Variants in LHFPL3 observed in about 807,000 individuals in gnomAD.
The protein encoded by LHFPL3 is LHFPL tetraspan subfamily member 3 protein.
LHFPL3 carries 5 observed loss-of-function variants against 19.3 expected under a neutral mutation model. The ratio of observed to expected loss-of-function variants is 0.26; its 90% confidence interval spans 0.14 to 0.54. LHFPL3 has a LOEUF of 0.54. LHFPL3 is among the 20% of genes least tolerant of loss of function. The pLI is 0.94. For missense variants in LHFPL3, 249 were observed against 307.4 expected (o/e 0.81, Z 1.42); for synonymous variants, 133 against 126.2 (o/e 1.05, Z -0.36).
chr7:104,595,215 T>C (rs1006940583), intron 1 of LHFPL3, among the ~76,000 whole-genome samples: 7 of 152,216 alleles, frequency 4.6e-5, no homozygotes, highest in Non-Finnish European at 1.0e-4. Context: ...GACGTACAGA[T>C]GGGGTTTTGG....
intron 1 of LHFPL3, among the ~76,000 whole-genome samples, chr7:104,334,174 G>T (rs1033568547): frequency 2.0e-5 from 3 of 152,144 alleles, no homozygotes; most frequent in African/African-American, 7.2e-5. Context: ...GTAGGTATTC[G>T]ATAATTTTTC....
At chr7:104,407,602 G>A (rs1382009849) in intron 1 of LHFPL3, among the ~76,000 whole-genome samples, 4 of 152,210 alleles carry the variant, frequency 2.6e-5, no homozygotes, top group African/African-American at 9.6e-5. Flanking sequence ...GTTGCAGTGA[G>A]CTGAGATTGC....
chr7:104,591,583 A>T (rs1159237950), intron 1 of LHFPL3, among the ~76,000 whole-genome samples: 1 of 152,046 alleles, frequency 6.6e-6, no homozygotes, highest in African/African-American at 2.4e-5. Flanking sequence ...GAATCTGACA[A>T]TTATGTGTCT....
intron 1 of LHFPL3, among the ~76,000 whole-genome samples, chr7:104,618,848 C>G (rs561420083): frequency 2.0e-5 from 3 of 152,242 alleles, no homozygotes; most frequent in Admixed American, 6.5e-5. Context: ...GTGCTGGGAC[C>G]AGGATCCATG....
At chr7:104,790,725 A>G (rs975315112) in intron 2 of LHFPL3, among the ~76,000 whole-genome samples, 6 of 152,332 alleles carry the variant, frequency 3.9e-5, no homozygotes, top group African/African-American at 1.4e-4. Context: ...AGTGAAATTC[A>G]TATCCAACCA....
intron 1 of LHFPL3, among the ~76,000 whole-genome samples, chr7:104,713,620 T>C (rs1223339172): frequency 1.3e-5 from 2 of 152,106 alleles, no homozygotes; most frequent in African/African-American, 4.8e-5. Flanking sequence ...AGGATTACAA[T>C]TCAATGAGAT....
intron 1 of LHFPL3, among the ~76,000 whole-genome samples, chr7:104,604,683 G>A (rs1293767683): frequency 6.6e-6 from 1 of 152,196 alleles, no homozygotes; most frequent in South Asian, 2.1e-4. Context: ...AAGTTGGCAG[G>A]AACTCTGAAA....
chr7:104,494,798 C>A (rs894019272), intron 1 of LHFPL3, among the ~76,000 whole-genome samples: 1 of 152,096 alleles, frequency 6.6e-6, no homozygotes, highest in East Asian at 1.9e-4. Context: ...ATAGTCCTGG[C>A]AGCTCCTCAC....
intron 1 of LHFPL3, among the ~76,000 whole-genome samples, chr7:104,522,296 C>G (rs922733659): frequency 6.7e-6 from 1 of 149,014 alleles, no homozygotes; most frequent in African/African-American, 2.5e-5. Flanking sequence ...AACAAAAAAC[C>G]AAACACCGCA....
chr7:104,586,629 T>A (rs1315133347), intron 1 of LHFPL3, among the ~76,000 whole-genome samples: 2 of 152,182 alleles, frequency 1.3e-5, no homozygotes, highest in Non-Finnish European at 1.5e-5. Flanking sequence ...TGACTTTATA[T>A]ATTTTTTAAA....
intron 1 of LHFPL3, among the ~76,000 whole-genome samples, chr7:104,614,638 CTTCTCTTCTCTTCTCTCCT>C (rs1259419482): frequency 2.3e-5 from 3 of 128,680 alleles, no homozygotes; most frequent in Admixed American, 7.9e-5. Context: ...CTTCTCTTCT[CTTCTCTTCTCTTCTCTCCT>C]TCCTTCCTTC....
At chr7:104,468,005 C>A (rs1174620260) in intron 1 of LHFPL3, among the ~76,000 whole-genome samples, 1 of 152,210 alleles carries the variant, frequency 6.6e-6, no homozygotes, top group Non-Finnish European at 1.5e-5. Context: ...AGGTATCTGT[C>A]TGTTCAGTGT....
chr7:104,340,239 C>T (rs1456033080), intron 1 of LHFPL3, among the ~76,000 whole-genome samples: 1 of 152,016 alleles, frequency 6.6e-6, no homozygotes, highest in African/African-American at 2.4e-5. Flanking sequence ...TAAAAAATAA[C>T]ATCTGCTAAC....
chr7:104,525,004 T>A (rs1794159027), intron 1 of LHFPL3, among the ~76,000 whole-genome samples: 1 of 152,224 alleles, frequency 6.6e-6, no homozygotes, highest in African/African-American at 2.4e-5. Context: ...TGTGACCATA[T>A]GCGTCGTCGT....
chr7:104,694,910 G>A (rs1295175474), intron 1 of LHFPL3, among the ~76,000 whole-genome samples: 1 of 152,232 alleles, frequency 6.6e-6, no homozygotes, highest in Non-Finnish European at 1.5e-5. Flanking sequence ...ATGATGTCAA[G>A]GTTGCAGTGA....
Position 104,593,030 on chromosome 7 carries a change from C to T in LHFPL3, c.446-143645C>T, listed in dbSNP as rs936635846. On this transcript the variant is annotated intron_variant, in intron 1 of 2. Transcript: ENST00000424859. ...TTTTTTTGAAGGGTTTTTTGTGTCT[C>T]TATTTCCTTCAGTTCTGCTCTGATC... Among the ~76,000 whole-genome samples the T allele has an allele frequency of 5.3e-5, 8 of 152,148 alleles. No homozygotes were observed. The East Asian group carries it at 1.5e-3, about 29-fold the overall frequency.
At position 104,624,123 on chromosome 7, in the gene LHFPL3, G is replaced by A. The variant is rs538107699; in HGVS notation, c.446-112552G>A. 2.0e-5 allele frequency among the ~76,000 whole-genome samples: 3 copies of A among 152,214 alleles called. No individual in the cohort carries two copies. The South Asian group carries it at 6.2e-4, about 32-fold the overall frequency. On this transcript the variant is annotated intron_variant, in intron 1 of 2. Coordinates refer to ENST00000424859, the MANE Select transcript of LHFPL3 (RefSeq NM_199000.3). ...GCATTGAATATTTTGGATATTAGAG[G>A]GTTTTTCAGGCATTCAGGAAGTAGT...
chr7:104,588,997 TAAG>T (rs1174565035), intron 1 of LHFPL3, among the ~76,000 whole-genome samples: 2 of 152,238 alleles, frequency 1.3e-5, no homozygotes, highest in Non-Finnish European at 2.9e-5. Flanking sequence ...CTTATCAGCT[TAAG>T]AAGATTTTGG....
At chr7:104,549,267 C>T (rs913658134) in intron 1 of LHFPL3, among the ~76,000 whole-genome samples, 5 of 151,702 alleles carry the variant, frequency 3.3e-5, no homozygotes, top group Non-Finnish European at 7.4e-5. Context: ...CATATGCACA[C>T]ATACATATAT....
Sources: gnomAD v4.1 joint callset for allele counts (sites outside exome capture counted in the v4.1 genomes callset) on GRCh38, gnomAD v4.1.1 for gene constraint, MANE v1.5 for transcripts, NCBI Gene and HGNC (gene_info 2026-07-23, HGNC 2026-07-21) for gene names.